Variants in DNAH8 observed in about 807,000 individuals in gnomAD.
DNAH8 encodes dynein axonemal heavy chain 8.
DNAH8 carries 382 observed loss-of-function variants against 562.1 expected under a neutral mutation model. That is an observed-to-expected ratio of 0.68 (90% CI 0.63 to 0.74). The LOEUF (loss-of-function observed/expected upper bound fraction) is 0.74, where lower values mean the gene tolerates loss of function less well. Ranked by LOEUF, DNAH8 falls within the 30% of genes least tolerant of loss-of-function variation. The pLI is 0.00. For synonymous variants in DNAH8, 1,881 were observed against 1,919.4 expected (o/e 0.98, Z 0.52); for missense variants, 5,203 against 5,620.4 (o/e 0.93, Z 2.37).
intron 82 of DNAH8, among the ~76,000 whole-genome samples, chr6:38,954,206 G>A (rs560318728): frequency 9.8e-5 from 15 of 152,294 alleles, no homozygotes; most frequent in Middle Eastern, 3.4e-3. Context: ...TAGCACGAGA[G>A]CCTTTCTAGG....
rs757714359 is a variant in DNAH8, at chr6:38,873,022, A to G, written c.7354A>G (p.Met2452Val). ...LTLANGDRIP[M>V]APSCKLLFEV... Reference sequence around the variant, plus strand: ...GTTAGCTAATGGAGATCGCATTCCCATGGCCCCTAGTTGTAAGCTTCTGTT... The same window carrying G: ...GTTAGCTAATGGAGATCGCATTCCCGTGGCCCCTAGTTGTAAGCTTCTGTT... Residue 2452 changes from methionine to valine, a missense_variant, in exon 51 of 93, where the codon ATG (methionine) becomes GTG (valine). Physicochemically the swap from Met to Val is conservative, Grantham distance 21 (BLOSUM62 1). Around this residue, in one of 6 missense-constraint regions of DNAH8, gnomAD observed 977 missense variants for 1,061.8 expected, o/e 0.92. Coordinates refer to ENST00000327475, the MANE Select transcript of DNAH8 (RefSeq NM_001206927.2). 3.1e-6 allele frequency: 5 copies of G among 1,614,024 alleles called. No individual in the cohort carries two copies. Among genetic ancestry groups the G allele is most frequent in the African/African-American group, 1.3e-5 (1 of 74,926 alleles).
intron 11 of DNAH8, chr6:38,763,334 G>A: frequency 9.2e-6 from 2 of 217,240 alleles, no homozygotes; most frequent in South Asian, 1.5e-4. Flanking sequence ...TTCTGGTATA[G>A]TTTTTATGCT....
chr6:38,865,397 C>T (rs1156455958), intron 45 of DNAH8, among the ~76,000 whole-genome samples: 1 of 152,124 alleles, frequency 6.6e-6, no homozygotes, highest in Admixed American at 6.5e-5. Flanking sequence ...TTACAAAAAG[C>T]TTAACATGCT....
intron 53 of DNAH8, among the ~76,000 whole-genome samples, chr6:38,878,068 G>A (rs1028290473): frequency 1.3e-5 from 2 of 152,106 alleles, no homozygotes; most frequent in Non-Finnish European, 2.9e-5. Flanking sequence ...GCACCAGAGA[G>A]GAGAAATCTG....
intron 21 of DNAH8, among the ~76,000 whole-genome samples, chr6:38,797,397 G>T (rs1239329616): frequency 2.0e-4 from 30 of 152,132 alleles, no homozygotes; most frequent in Admixed American, 2.0e-3. Flanking sequence ...TAATAGTGAA[G>T]ATATATGCTT....
At chr6:38,862,578 A>G in intron 44 of DNAH8, 120 bp downstream of exon 44, 1 of 1,190,654 alleles carries the variant, frequency 8.4e-7, no homozygotes, top group East Asian at 2.5e-5. Flanking sequence ...GTATGGGTTG[A>G]TCCGTATGAT....
intron 70 of DNAH8, 39 bp from the exon 71 acceptor site, chr6:38,921,330 C>G (rs1272037864): frequency 1.3e-6 from 2 of 1,596,050 alleles, no homozygotes; most frequent in Non-Finnish European, 1.7e-6. Context: ...ATGACTGTTT[C>G]ATGCAGCTAA....
intron 38 of DNAH8, among the ~76,000 whole-genome samples, chr6:38,850,687 CAA>C (rs1325352006): frequency 1.3e-5 from 2 of 152,298 alleles, no homozygotes; most frequent in East Asian, 3.9e-4. Context: ...GTTGTGGAGA[CAA>C]GAAGTCTGAA....
chr6:38,811,685 C>T (rs757635374), intron 24 of DNAH8, among the ~76,000 whole-genome samples: 4 of 152,156 alleles, frequency 2.6e-5, no homozygotes, highest in East Asian at 3.9e-4. Flanking sequence ...GTTTCTGTTT[C>T]GTTTTTGGAT....
At position 38,938,949 on chromosome 6, in the gene DNAH8, G is replaced by A. The variant is rs747859469; in HGVS notation, c.11968G>A (p.Gly3990Arg). Residue 3990 changes from glycine to arginine, a missense_variant, in exon 79 of 93, where the codon GGG (glycine) becomes AGG (arginine). Gly to Arg is a moderately radical substitution (Grantham distance 125). Transcript: ENST00000327475. Reference protein sequence around the residue: ...LMTLKIDLQRGTVKHREFQAL... With the variant: ...LMTLKIDLQRRTVKHREFQAL... ...GACCTTAAAGATTGACCTTCAGAGA[G>A]GGACAGTTAAGCACAGAGAGTTTCA... The A allele has an allele frequency of 5.0e-6, 8 of 1,613,806 alleles. No individual in the cohort carries two copies. Among genetic ancestry groups the A allele is most frequent in the Non-Finnish European group, 6.8e-6 (8 of 1,179,868 alleles).
chr6:38,737,791 C>A lies in DNAH8; in HGVS notation c.953-18C>A, dbSNP rs1764211387. ...TAATATATAAATTAGTATTAAATGTCTTTTTTTTCCTTTTTAGGTGCTAGA... is the reference window on the plus strand; with the variant it reads ...TAATATATAAATTAGTATTAAATGTATTTTTTTTCCTTTTTAGGTGCTAGA... On this transcript the variant is annotated intron_variant, in intron 6 of 92. Transcript: ENST00000327475. The A allele has an allele frequency of 6.8e-6, 9 of 1,317,272 alleles. No individual in the cohort carries two copies. The Admixed American group carries it at 2.0e-4, about 29-fold the overall frequency. 81.6% of individuals were successfully genotyped at this position (1,317,272 alleles called of 1,614,324 possible). A position where few individuals can be genotyped will look rare whatever the true frequency, so the allele number is the denominator to read the frequency against.
chr6:38,938,284 A>G, intron 78 of DNAH8, 58 bp downstream of exon 78: 2 of 1,546,724 alleles, frequency 1.3e-6, no homozygotes, highest in South Asian at 1.2e-5. Flanking sequence ...TTGTATTTCT[A>G]CTCTTTTAGA....
chr6:38,878,664 A>G (rs1478414573), intron 53 of DNAH8, among the ~76,000 whole-genome samples: 1 of 152,204 alleles, frequency 6.6e-6, no homozygotes, highest in Non-Finnish European at 1.5e-5. Context: ...AACATTAGAA[A>G]CATGACGTGA....
intron 78 of DNAH8, 91 bp from the exon 79 acceptor site, chr6:38,938,707 C>T (rs1348158267): frequency 4.8e-5 from 40 of 825,480 alleles, no homozygotes; most frequent in Middle Eastern, 3.6e-4. Context: ...GGTTTACCGA[C>T]GTACAAACCT....
chr6:38,729,667 C>A (rs950361319), intron 3 of DNAH8, among the ~76,000 whole-genome samples: 1 of 152,132 alleles, frequency 6.6e-6, no homozygotes. Context: ...TTCTGTGGGG[C>A]AGGGTCAGGT....
intron 82 of DNAH8, among the ~76,000 whole-genome samples, chr6:38,969,887 C>T (rs1177332873): frequency 6.6e-6 from 1 of 152,024 alleles, no homozygotes. Flanking sequence ...TGAGAGACCC[C>T]TCTGGCTGCT....
rs775481468 is a variant in DNAH8 at position 38,723,322 on chromosome 6, G to T, written c.391-15G>T. 1.9e-6 allele frequency: 3 copies of T among 1,586,544 alleles called. No homozygotes were observed. On this transcript the variant is annotated splice_polypyrimidine_tract_variant and intron_variant, in intron 2 of 92. Coordinates refer to ENST00000327475, the MANE Select transcript of DNAH8 (RefSeq NM_001206927.2). ...TTCAGAATTGCAATTTTTGAACTTG[G>T]TTTTCATTCCTTAGGCAAGATTTAG...
chr6:38,868,342 G>A, intron 48 of DNAH8, 146 bp downstream of exon 48: 1 of 795,710 alleles, frequency 1.3e-6, no homozygotes, highest in Non-Finnish European at 1.9e-6. Flanking sequence ...TGTGCTTCCA[G>A]AAGAAAGCAA....
intron 11 of DNAH8, among the ~76,000 whole-genome samples, chr6:38,769,894 TCCTACTCTAC>T (rs1767395190): frequency 6.6e-6 from 1 of 152,228 alleles, no homozygotes; most frequent in Non-Finnish European, 1.5e-5. Context: ...AATAGTTAAT[TCCTACTCTAC>T]CCAGCAATCT....
Sources: gnomAD v4.1 joint callset for allele counts (sites outside exome capture counted in the v4.1 genomes callset) on GRCh38, gnomAD v4.1.1 for gene constraint, gnomAD v4.1.1 regional missense constraint, MANE v1.5 for transcripts, NCBI Gene and HGNC (gene_info 2026-07-23, HGNC 2026-07-21) for gene names.